RAB28: variants seen among roughly 807,000 people sequenced by gnomAD.
RAB28 encodes ras-related protein Rab-28.
A neutral mutation model predicts 31.7 loss-of-function variants in RAB28; 24 were observed. The ratio of observed to expected loss-of-function variants is 0.76; its 90% CI spans 0.55 to 1.06. RAB28 has a LOEUF of 1.06. Among genes scored for constraint, RAB28 ranks in the 50% least tolerant of loss-of-function variants. The pLI is 0.00. For missense variants in RAB28, 254 were observed against 258.5 expected, an observed-to-expected ratio of 0.98 and a Z score of 0.12; for synonymous variants, 100 against 90.4, an observed-to-expected ratio of 1.11 and a Z score of -0.60.
chr4:13,371,339 C>T (rs1282139717), intron 6 of RAB28: 1 of 985,164 alleles, frequency 1.0e-6, no homozygotes, highest in East Asian at 1.1e-4. Flanking sequence ...TATCTAACCT[C>T]CCCAAACCTA....
At chr4:13,470,053 C>CATAG (rs1348314835) in intron 3 of RAB28, among the ~76,000 whole-genome samples, 2 of 152,030 alleles carry the variant, frequency 1.3e-5, no homozygotes, top group Non-Finnish European at 2.9e-5. Context: ...TAAAGCATTG[C>CATAG]ATAGATAATA....
chr4:13,367,797 T>G lies in RAB28; in HGVS notation c.*761A>C. The G allele has an allele frequency of 1.0e-6, 1 of 985,030 alleles. No homozygotes were observed. The highest frequency in any genetic ancestry group is 1.2e-6 in the Non-Finnish European group (1 of 829,632). The allele number at this position is 985,030 out of a possible 1,614,324, so 61.0% of individuals were successfully genotyped here. A position where few individuals can be genotyped will look rare whatever the true frequency, so the allele number is the denominator to read the frequency against. The stretch of plus-strand genomic sequence containing the variant: ...ACAGTCTGATCCACAATGTCATAAC[T>G]CATTCTCGGGAGTACTCTTATGCAG... On this transcript the variant is annotated 3_prime_UTR_variant, in exon 7 of 7. Transcript: ENST00000330852.
At chr4:13,389,021 C>A (rs530965041) in intron 4 of RAB28, among the ~76,000 whole-genome samples, 6 of 152,204 alleles carry the variant, frequency 3.9e-5, no homozygotes, top group South Asian at 2.1e-4. Flanking sequence ...TTTACAACAG[C>A]ACTAGTCATA....
chr4:13,372,161 T>A (rs1377919670), intron 6 of RAB28, among the ~76,000 whole-genome samples: 1 of 152,128 alleles, frequency 6.6e-6, no homozygotes, highest in Non-Finnish European at 1.5e-5. Flanking sequence ...AGGTAAATAA[T>A]GCATAATCTC....
At chr4:13,388,736 C>T (rs1447945004) in intron 4 of RAB28, among the ~76,000 whole-genome samples, 1 of 151,928 alleles carries the variant, frequency 6.6e-6, no homozygotes, top group African/African-American at 2.4e-5. Context: ...GATAACACAT[C>T]ATCAGAGAAA....
chr4:13,443,810 T>G (rs955817065), intron 4 of RAB28, among the ~76,000 whole-genome samples: 3 of 152,134 alleles, frequency 2.0e-5, no homozygotes, highest in African/African-American at 4.8e-5. Flanking sequence ...AAGTGATACT[T>G]TGTACCCTTT....
At chr4:13,405,480 G>A (rs944959480) in intron 4 of RAB28, among the ~76,000 whole-genome samples, 10 of 152,116 alleles carry the variant, frequency 6.6e-5, no homozygotes, top group African/African-American at 2.4e-4. Context: ...TTATGTTAAT[G>A]AATCATCTAG....
At chr4:13,404,824 C>T (rs554052621) in intron 4 of RAB28, among the ~76,000 whole-genome samples, 21 of 151,912 alleles carry the variant, frequency 1.4e-4, no homozygotes, top group African/African-American at 5.1e-4. Flanking sequence ...CTAAAATGAA[C>T]AAATTCAGTT....
intron 4 of RAB28, among the ~76,000 whole-genome samples, chr4:13,459,117 C>G (rs1172476094): frequency 1.3e-5 from 2 of 152,126 alleles, no homozygotes; most frequent in African/African-American, 4.8e-5. Context: ...TTCCTGCCCT[C>G]GAACATGAAA....
At chr4:13,386,930 C>G (rs1316754198) in intron 4 of RAB28, among the ~76,000 whole-genome samples, 1 of 152,004 alleles carries the variant, frequency 6.6e-6, no homozygotes, top group South Asian at 2.1e-4. Context: ...AAAAGGAGAT[C>G]ATGTCCTTTG....
In RAB28 at chr4:13,368,626, T is replaced by C. The variant is rs146211891; in HGVS notation, c.598A>G (p.Asn200Asp). 3.2e-5 allele frequency: 51 copies of C among 1,612,110 alleles called. No individual in the cohort carries two copies. Among genetic ancestry groups the C allele is most frequent in the Non-Finnish European group, 3.6e-5 (43 of 1,178,882 alleles). Residue 200 changes from asparagine to aspartate, a missense_variant, in exon 7 of 7, where the codon AAC becomes GAC. Coordinates refer to ENST00000330852, the MANE Select transcript of RAB28 (RefSeq NM_001017979.3). ...SQRVVKADIVNYNQEPMSRTV... is the reference protein window; with the variant it reads ...SQRVVKADIVDYNQEPMSRTV... ...CTTGACATAGGTTCCTGGTTGTAGT[T>C]TACAATATCTGCCTTCACCACCCTC...
chr4:13,478,309 C>T (rs1415690215), intron 2 of RAB28, among the ~76,000 whole-genome samples: 1 of 151,554 alleles, frequency 6.6e-6, no homozygotes, highest in Admixed American at 6.6e-5. Flanking sequence ...TGAACAATAA[C>T]CCAGTAATGG....
chr4:13,448,375 T>C (rs954576477), intron 4 of RAB28, among the ~76,000 whole-genome samples: 1 of 152,022 alleles, frequency 6.6e-6, no homozygotes, highest in African/African-American at 2.4e-5. Context: ...ATCTTCTCTA[T>C]TATGACAAAA....
intron 4 of RAB28, among the ~76,000 whole-genome samples, chr4:13,388,720 C>T (rs1379190422): frequency 6.6e-6 from 1 of 151,778 alleles, no homozygotes; most frequent in Non-Finnish European, 1.5e-5. Flanking sequence ...TAGATATTTC[C>T]TCAAAGATAA....
chr4:13,374,671 A>G (rs1728851770), intron 6 of RAB28, among the ~76,000 whole-genome samples: 1 of 152,032 alleles, frequency 6.6e-6, no homozygotes, highest in Admixed American at 6.6e-5. Context: ...CACAAGCCCT[A>G]TTGGTTCTTC....
intron 4 of RAB28, among the ~76,000 whole-genome samples, chr4:13,432,180 G>T (rs1713843729): frequency 1.3e-5 from 2 of 151,950 alleles, no homozygotes; most frequent in South Asian, 4.1e-4. Context: ...AGACCAAGCA[G>T]AAAAAGGAAT....
At chr4:13,422,243 A>T (rs1713199133) in intron 4 of RAB28, among the ~76,000 whole-genome samples, 1 of 151,674 alleles carries the variant, frequency 6.6e-6, no homozygotes, top group Admixed American at 6.6e-5. Flanking sequence ...ATTAAAAAGG[A>T]AACAACAGAT....
At chr4:13,383,904 T>G (rs1729245373) in intron 4 of RAB28, among the ~76,000 whole-genome samples, 1 of 152,168 alleles carries the variant, frequency 6.6e-6, no homozygotes, top group African/African-American at 2.4e-5. Context: ...TCAGCATCCC[T>G]TGGTCTGCTG....
At chr4:13,418,111 A>G (rs2108917296) in intron 4 of RAB28, among the ~76,000 whole-genome samples, 1 of 152,360 alleles carries the variant, frequency 6.6e-6, no homozygotes, top group East Asian at 1.9e-4. Flanking sequence ...GGCATGAACA[A>G]ACTTCAACAG....
Sources: allele counts gnomAD v4.1 joint callset (sites outside exome capture counted in the v4.1 genomes callset), GRCh38; gene constraint gnomAD v4.1.1; transcripts MANE v1.5; gene names NCBI Gene and HGNC (gene_info 2026-07-23, HGNC 2026-07-21).